The following ADAMTS16 variants were observed in gnomAD, a reference collection of about 807,000 sequenced individuals.
ADAMTS16 encodes A disintegrin and metalloproteinase with thrombospondin motifs 16.
ADAMTS16 carries 94 observed loss-of-function variants against 145.8 expected under a neutral mutation model. The observed-to-expected ratio is 0.64, with a 90% CI of 0.55 to 0.77. ADAMTS16 has a LOEUF of 0.77. Among genes scored for constraint, ADAMTS16 ranks in the 30% least tolerant of loss-of-function variants. ADAMTS16 has a pLI of 0.00. For synonymous variants in ADAMTS16, 659 were observed against 604.3 expected, an observed-to-expected ratio of 1.09 and a Z score of -1.33; for missense variants, 1,585 against 1,591.5, an observed-to-expected ratio of 1.00 and a Z score of 0.07.
intron 3 of ADAMTS16, among the ~76,000 whole-genome samples, chr5:5,159,440 C>T (rs1315706838): frequency 1.3e-5 from 2 of 152,124 alleles, no homozygotes; most frequent in South Asian, 4.1e-4. Context: ...CATATGAAAG[C>T]CCTTAATACA....
chr5:5,316,505 T>G (rs1174038840), intron 21 of ADAMTS16, among the ~76,000 whole-genome samples: 1 of 152,234 alleles, frequency 6.6e-6, no homozygotes, highest in African/African-American at 2.4e-5. Flanking sequence ...CCAGTGTCTC[T>G]GTATCTTTAG....
rs200916127 is a variant in ADAMTS16 at position 5,318,252 on chromosome 5, C to T, written c.3530C>T (p.Thr1177Ile). 6 of 1,552,046 alleles carry T rather than the reference C, an allele frequency of 3.9e-6. No individual in the cohort carries two copies. Among genetic ancestry groups the T allele is most frequent in the Non-Finnish European group, 5.2e-6 (6 of 1,143,996 alleles). ...QKPSASLACN[T>I]HFCPIAEKKD... ...CCTTCGGCCTCCCTGGCCTGCAACA[C>T]TCACTTCTGCCCCATTGCAGAGAAG... Residue 1177 changes from threonine (T) to isoleucine (I), a missense_variant, in exon 22 of 23, where the codon ACT (threonine) becomes ATT (isoleucine). Around this residue, in one of 3 missense-constraint regions of ADAMTS16, gnomAD observed 834 missense variants for 811.7 expected, o/e 1.03. Coordinates refer to ENST00000274181, the MANE Select transcript of ADAMTS16 (RefSeq NM_139056.4).
intron 4 of ADAMTS16, among the ~76,000 whole-genome samples, chr5:5,183,258 T>C (rs1474386747): frequency 6.6e-6 from 1 of 152,132 alleles, no homozygotes; most frequent in Non-Finnish European, 1.5e-5. Context: ...GGAAGAACCA[T>C]GCTGAGAACA....
At chr5:5,200,024 A>G in intron 8 of ADAMTS16, 108 bp from the exon 9 acceptor site, 1 of 1,308,184 alleles carries the variant, frequency 7.6e-7, no homozygotes, top group Non-Finnish European at 1.0e-6. Context: ...CCTAGCATAT[A>G]GGGGTGAGGG....
intron 3 of ADAMTS16, among the ~76,000 whole-genome samples, chr5:5,150,997 T>C (rs1260454106): frequency 6.6e-6 from 1 of 152,122 alleles, no homozygotes; most frequent in Non-Finnish European, 1.5e-5. Context: ...CTCCATTCAT[T>C]TTTTCTTCAT....
In ADAMTS16 at chr5:5,306,493, C is replaced by G. The variant is rs1466464457; in HGVS notation, c.3187-11C>G. The G allele has an allele frequency of 6.3e-7, 1 of 1,599,072 alleles. No homozygotes were observed. Among genetic ancestry groups the G allele is most frequent in the Admixed American group, 1.7e-5 (1 of 58,580 alleles). ...TTTTTTCACTGACTTCTTTTGTTCTCTTCTTTTTAGTGCTCTGTGACATGT... is the reference window on the plus strand; with the variant it reads ...TTTTTTCACTGACTTCTTTTGTTCTGTTCTTTTTAGTGCTCTGTGACATGT... On this transcript the variant is annotated splice_polypyrimidine_tract_variant and intron_variant, in intron 20 of 22. Transcript: ENST00000274181.
Position 5,166,305 on chromosome 5 carries a change from A to T in ADAMTS16, c.502-15739A>T, listed in dbSNP as rs551430566. Among the ~76,000 whole-genome samples, 20 of 152,150 alleles carry T rather than the reference A, an allele frequency of 1.3e-4. No individual in the cohort carries two copies. In the South Asian group the frequency reaches 3.7e-3, roughly 28 times the overall value. The stretch of plus-strand genomic sequence containing the variant: ...CACACACACACATGCACACACACGG[A>T]GCTCATGCCCTGAAGACAGGCAGAG... On this transcript the variant is annotated intron_variant, in intron 3 of 22. Coordinates refer to ENST00000274181, the MANE Select transcript of ADAMTS16 (RefSeq NM_139056.4).
At chr5:5,177,650 A>G (rs1735236614) in intron 3 of ADAMTS16, among the ~76,000 whole-genome samples, 1 of 152,218 alleles carries the variant, frequency 6.6e-6, no homozygotes, top group African/African-American at 2.4e-5. Flanking sequence ...GCAAAGTTTC[A>G]CTTTGATTAA....
intron 18 of ADAMTS16, among the ~76,000 whole-genome samples, chr5:5,299,333 C>A (rs913919107): frequency 1.3e-5 from 2 of 152,190 alleles, no homozygotes; most frequent in Admixed American, 1.3e-4. Context: ...GCTGCCCTGG[C>A]GGGGCTTGGC....
intron 9 of ADAMTS16, among the ~76,000 whole-genome samples, chr5:5,203,252 G>A (rs1365640568): frequency 1.3e-5 from 2 of 152,110 alleles, no homozygotes; most frequent in African/African-American, 4.8e-5. Context: ...CATTTTACTC[G>A]AAAACCAGTT....
chr5:5,258,399 G>A (rs1737871507), intron 17 of ADAMTS16, among the ~76,000 whole-genome samples: 1 of 152,206 alleles, frequency 6.6e-6, no homozygotes, highest in Non-Finnish European at 1.5e-5. Flanking sequence ...ATCAGCAGTA[G>A]CAACTGAGCC....
chr5:5,242,838 T>C (rs980657563), intron 17 of ADAMTS16, among the ~76,000 whole-genome samples: 2 of 152,238 alleles, frequency 1.3e-5, no homozygotes, highest in Non-Finnish European at 2.9e-5. Context: ...ATGTACTGAC[T>C]GTCTGATATA....
At chr5:5,254,306 T>C (rs1737716939) in intron 17 of ADAMTS16, among the ~76,000 whole-genome samples, 2 of 152,220 alleles carry the variant, frequency 1.3e-5, no homozygotes, top group Admixed American at 1.3e-4. Context: ...ACATAAGCTT[T>C]CCCGTTGTCA....
At chr5:5,230,680 A>C (rs1736895333) in intron 11 of ADAMTS16, among the ~76,000 whole-genome samples, 2 of 152,218 alleles carry the variant, frequency 1.3e-5, no homozygotes, top group African/African-American at 4.8e-5. Context: ...AAACAGTGAA[A>C]GCTATTACCA....
chr5:5,306,316 A>C (rs907441384), intron 20 of ADAMTS16, among the ~76,000 whole-genome samples, 188 bp from the exon 21 acceptor site: 1 of 152,126 alleles, frequency 6.6e-6, no homozygotes, highest in African/African-American at 2.4e-5. Context: ...TGTGCCACTG[A>C]CTTCAAGTTC....
At chr5:5,151,215 C>CTTATTTAT (rs3059259) in intron 3 of ADAMTS16, among the ~76,000 whole-genome samples, 87 of 145,872 alleles carry the variant, frequency 6.0e-4, no homozygotes, top group Middle Eastern at 3.5e-3. Context: ...TTTCTTTTCT[C>CTTATTTAT]TTATTTATTT....
At chr5:5,250,280 G>A (rs1163658483) in intron 17 of ADAMTS16, among the ~76,000 whole-genome samples, 1 of 152,146 alleles carries the variant, frequency 6.6e-6, no homozygotes, top group Non-Finnish European at 1.5e-5. Context: ...GCAAGAGTTT[G>A]AGAGAGGATT....
chr5:5,156,728 A>G (rs1384448068), intron 3 of ADAMTS16, among the ~76,000 whole-genome samples: 1 of 152,214 alleles, frequency 6.6e-6, no homozygotes, highest in East Asian at 1.9e-4. Flanking sequence ...GGTATAAATT[A>G]GCACTCAGGG....
In ADAMTS16 at chr5:5,242,189, G is replaced by T. The variant is rs749459638; in HGVS notation, c.2660G>T (p.Gly887Val). Residue 887 changes from glycine (G) to valine (V), a missense_variant and splice_region_variant, in exon 17 of 23, where the codon GGG becomes GTG. Transcript: ENST00000274181. ...VRSECSVSCG[G>V]GQMTVREGCY... ...TCTGAGTGCTCCGTGTCCTGCGGAG[G>T]GGGTAGGTGCCTTCCAGTGCTGCTC... 4.3e-6 allele frequency: 7 copies of T among 1,613,584 alleles called. No individual in the cohort carries two copies. Among genetic ancestry groups the T allele is most frequent in the Middle Eastern group, 1.6e-4 (1 of 6,082 alleles).
Sources: gnomAD v4.1 joint callset for allele counts (sites outside exome capture counted in the v4.1 genomes callset) on GRCh38, gnomAD v4.1.1 for gene constraint, gnomAD v4.1.1 regional missense constraint, MANE v1.5 for transcripts, NCBI Gene and HGNC (gene_info 2026-07-23, HGNC 2026-07-21) for gene names.